Variants in PTPRO observed in about 807,000 individuals in gnomAD.
PTPRO encodes the protein protein tyrosine phosphatase receptor type O, also known as receptor-type tyrosine-protein phosphatase O.
PTPRO carries 62 observed loss-of-function variants against 145.2 expected under a neutral mutation model. The observed-to-expected ratio is 0.43, with a 90% confidence interval of 0.35 to 0.53. PTPRO has a LOEUF of 0.53. PTPRO is among the 20% of genes least tolerant of loss of function. The pLI is 0.01. For synonymous variants in PTPRO, 565 were observed against 514.7 expected (o/e 1.10, Z -1.32); for missense variants, 1,345 against 1,482.7 (o/e 0.91, Z 1.53).
intron 1 of PTPRO, among the ~76,000 whole-genome samples, chr12:15,471,859 A>G (rs574090484): frequency 7.3e-4 from 111 of 152,240 alleles, no homozygotes; most frequent in Non-Finnish European, 1.1e-3. Context: ...AATTTCTGAG[A>G]GTTGTGAATA....
intron 1 of PTPRO, among the ~76,000 whole-genome samples, chr12:15,336,075 G>A (rs916721006): frequency 5.3e-5 from 8 of 152,156 alleles, no homozygotes; most frequent in Middle Eastern, 3.4e-3. Flanking sequence ...ACAAAGAACT[G>A]GAAAACTGAC....
intron 1 of PTPRO, among the ~76,000 whole-genome samples, chr12:15,389,170 C>G (rs955199014): frequency 6.7e-6 from 1 of 149,440 alleles, no homozygotes; most frequent in East Asian, 2.0e-4. Context: ...GTGGCGCGAT[C>G]TCGGCTCACT....
At chr12:15,506,090 C>T (rs11056531) in intron 6 of PTPRO, among the ~76,000 whole-genome samples, 26,193 of 152,114 alleles carry the variant, frequency 0.17, 2,400 homozygotes, top group African/African-American at 0.21. Context: ...CTGCCATGAC[C>T]CATGTCCTTG....
chr12:15,330,443 C>T (rs1416582844), intron 1 of PTPRO, among the ~76,000 whole-genome samples: 1 of 152,176 alleles, frequency 6.6e-6, no homozygotes, highest in East Asian at 1.9e-4. Flanking sequence ...ATCAACTGTG[C>T]TGGATAGTCT....
chr12:15,480,392 T>C (rs1184821923), intron 1 of PTPRO, among the ~76,000 whole-genome samples: 2 of 152,198 alleles, frequency 1.3e-5, no homozygotes, highest in African/African-American at 4.8e-5. Context: ...TAAACTAATA[T>C]TTTTGTCTTA....
Position 15,463,509 on chromosome 12 carries a change from T to C in PTPRO, c.76-20465T>C, listed in dbSNP as rs141571784. ...AGATGGATGGTGGATAAGGAAACAA[T>C]TGAGATATTTATATTAGTTTCCTTC... On this transcript the variant is annotated intron_variant, in intron 1 of 26. Coordinates refer to ENST00000281171, the MANE Select transcript of PTPRO (RefSeq NM_030667.3). Among the ~76,000 whole-genome samples the C allele has an allele frequency of 5.9e-5, 9 of 152,248 alleles. No homozygotes were observed. In the East Asian group the frequency reaches 1.5e-3, roughly 26 times the overall value.
At chr12:15,526,326 A>C in intron 12 of PTPRO, 64 bp downstream of exon 12, 1 of 1,592,686 alleles carries the variant, frequency 6.3e-7, no homozygotes, top group Middle Eastern at 1.7e-4. Flanking sequence ...TCGATTCAGC[A>C]AGAGCTCCTC....
intron 1 of PTPRO, among the ~76,000 whole-genome samples, chr12:15,327,778 G>T (rs1866488441): frequency 6.6e-6 from 1 of 152,102 alleles, no homozygotes; most frequent in South Asian, 2.1e-4. Context: ...GTGTGAATGG[G>T]TTCCTTCTCT....
intron 1 of PTPRO, among the ~76,000 whole-genome samples, chr12:15,454,011 T>G (rs1941112007): frequency 6.6e-6 from 1 of 152,196 alleles, no homozygotes; most frequent in Non-Finnish European, 1.5e-5. Flanking sequence ...ATATCTTGGC[T>G]ATTGTGAATA....
At chr12:15,448,224 T>C (rs1935937032) in intron 1 of PTPRO, among the ~76,000 whole-genome samples, 1 of 151,364 alleles carries the variant, frequency 6.6e-6, no homozygotes, top group Admixed American at 6.6e-5. Flanking sequence ...TTACACTGTA[T>C]GTTAAAAATG....
At chr12:15,512,390 C>T (rs1477510558) in intron 7 of PTPRO, among the ~76,000 whole-genome samples, 2 of 152,136 alleles carry the variant, frequency 1.3e-5, no homozygotes, top group African/African-American at 2.4e-5. Flanking sequence ...GCTGGGATTA[C>T]AGGCGTGAGC....
At chr12:15,503,506 T>C (rs1201818073) in intron 5 of PTPRO, among the ~76,000 whole-genome samples, 1 of 152,216 alleles carries the variant, frequency 6.6e-6, no homozygotes, top group Non-Finnish European at 1.5e-5. Context: ...GGATGGTTAA[T>C]ACTACCACAA....
chr12:15,433,461 G>A (rs1270005949), intron 1 of PTPRO, among the ~76,000 whole-genome samples: 2 of 152,184 alleles, frequency 1.3e-5, no homozygotes, highest in Non-Finnish European at 2.9e-5. Flanking sequence ...GGGATTACAG[G>A]CGACAGCCAC....
chr12:15,460,988 A>G (rs1565643037), intron 1 of PTPRO, among the ~76,000 whole-genome samples: 1 of 152,152 alleles, frequency 6.6e-6, no homozygotes, highest in African/African-American at 2.4e-5. Context: ...GCACTCTTAA[A>G]TTTTAACTTG....
intron 1 of PTPRO, among the ~76,000 whole-genome samples, chr12:15,375,287 A>C (rs1938648675): frequency 6.6e-6 from 1 of 152,218 alleles, no homozygotes; most frequent in South Asian, 2.1e-4. Flanking sequence ...GTGCATACAC[A>C]GGGGAAAAGA....
chr12:15,401,266 A>G (rs1939484833), intron 1 of PTPRO, among the ~76,000 whole-genome samples: 1 of 152,216 alleles, frequency 6.6e-6, no homozygotes, highest in Non-Finnish European at 1.5e-5. Flanking sequence ...TGTGCAAGAC[A>G]CTTCCACTTA....
intron 25 of PTPRO, among the ~76,000 whole-genome samples, chr12:15,593,064 C>T (rs1307585703): frequency 6.6e-6 from 1 of 152,188 alleles, no homozygotes. Flanking sequence ...AATGTCCAGG[C>T]AATCTCTGGT....
chr12:15,341,315 AG>A (rs1866975772), intron 1 of PTPRO, among the ~76,000 whole-genome samples: 2 of 152,192 alleles, frequency 1.3e-5, no homozygotes, highest in Non-Finnish European at 2.9e-5. Context: ...CTTCTACAAA[AG>A]GAAGACCCCA....
rs549765411 is a variant in PTPRO at position 15,498,559 on chromosome 12, A to AAATG, written c.509-860_509-857dup. Among the ~76,000 whole-genome samples, 46 of 152,310 alleles carry AAATG rather than the reference A, an allele frequency of 3.0e-4. 2 individuals are homozygous for AAATG. Among genetic ancestry groups the AAATG allele is most frequent in the African/African-American group, 7.7e-4 (32 of 41,570 alleles). On this transcript the variant is annotated intron_variant, in intron 3 of 26. Transcript: ENST00000281171. ...GGCAACAGAGCAAGGCCCCATCTCA[A>AAATG]AATGAATGAATGAATGAATGAATGA...
Sources: gnomAD v4.1 joint callset for allele counts (sites outside exome capture counted in the v4.1 genomes callset) on GRCh38, gnomAD v4.1.1 for gene constraint, MANE v1.5 for transcripts, NCBI Gene and HGNC (gene_info 2026-07-23, HGNC 2026-07-21) for gene names.